Variants in BLK observed in about 807,000 individuals in gnomAD.
BLK encodes the protein tyrosine-protein kinase Blk.
A neutral mutation model predicts 61.8 loss-of-function variants in BLK; 64 were observed. That is an observed-to-expected ratio of 1.03 (90% CI 0.85 to 1.27). The LOEUF is 1.27. Among genes scored for constraint, BLK ranks in the 50% most tolerant of loss-of-function variants. BLK has a pLI of 0.00. For missense variants in BLK, 853 were observed against 660.5 expected (o/e 1.29, Z -3.19); for synonymous variants, 351 against 272.0 (o/e 1.29, Z -2.86).
chr8:11,496,432 G>A (rs559544782), intron 1 of BLK, among the ~76,000 whole-genome samples: 64 of 152,230 alleles, frequency 4.2e-4, no homozygotes, highest in South Asian at 6.2e-4. Flanking sequence ...TTGAAGAGAT[G>A]GGGTCTCGCT....
chr8:11,514,438 T>C (rs1799144196), intron 1 of BLK, among the ~76,000 whole-genome samples: 1 of 152,196 alleles, frequency 6.6e-6, no homozygotes, highest in African/African-American at 2.4e-5. Flanking sequence ...CCCCGAGGGA[T>C]CTGAGGCCCA....
At chr8:11,534,274 G>A (rs959058136) in intron 1 of BLK, among the ~76,000 whole-genome samples, 1 of 152,164 alleles carries the variant, frequency 6.6e-6, no homozygotes, top group Non-Finnish European at 1.5e-5. Flanking sequence ...TTGAAAAATA[G>A]GTTAAGGCCC....
chr8:11,523,474 A>G (rs1799533003), intron 1 of BLK, among the ~76,000 whole-genome samples: 1 of 152,114 alleles, frequency 6.6e-6, no homozygotes, highest in Non-Finnish European at 1.5e-5. Context: ...AATCACTTGA[A>G]CCCCGGAGAA....
chr8:11,522,147 T>A (rs1799476419), intron 1 of BLK, among the ~76,000 whole-genome samples: 1 of 152,170 alleles, frequency 6.6e-6, no homozygotes, highest in Admixed American at 6.5e-5. Context: ...TAGGTCCATT[T>A]CTAGGTAAAT....
At chr8:11,534,313 T>C (rs1800020783) in intron 1 of BLK, among the ~76,000 whole-genome samples, 1 of 152,232 alleles carries the variant, frequency 6.6e-6, no homozygotes, top group Non-Finnish European at 1.5e-5. Flanking sequence ...GACACAACTG[T>C]AGTTGGATTA....
At chr8:11,496,395 A>C (rs1322680645) in intron 1 of BLK, among the ~76,000 whole-genome samples, 1 of 152,030 alleles carries the variant, frequency 6.6e-6, no homozygotes, top group Non-Finnish European at 1.5e-5. Flanking sequence ...ACGCCACTGT[A>C]TCTGGCTAAT....
In BLK at chr8:11,557,892, CAG is replaced by C. The variant is rs1423211586; in HGVS notation, c.953-63_953-62del. On this transcript the variant is annotated intron_variant, in intron 9 of 12. Coordinates refer to ENST00000259089, the MANE Select transcript of BLK (RefSeq NM_001715.3). Reference sequence around the variant, plus strand: ...CGCGCCCATGGGGAGCCACTCACACCAGAGAGAGGCTGGCACCACCAGGGGCG... The same window carrying C: ...CGCGCCCATGGGGAGCCACTCACACCAGAGAGGCTGGCACCACCAGGGGCG... 1.1e-5 allele frequency: 16 copies of C among 1,429,562 alleles called. No individual in the cohort carries two copies. In the South Asian group the frequency reaches 1.2e-4, roughly 10 times the overall value. 88.6% of individuals were successfully genotyped at this position (1,429,562 alleles called of 1,614,324 possible).
At chr8:11,544,464 G>C (rs1034640965) in intron 2 of BLK, among the ~76,000 whole-genome samples, 2 of 152,082 alleles carry the variant, frequency 1.3e-5, no homozygotes, top group East Asian at 3.9e-4. Flanking sequence ...ATGAACCCAG[G>C]CATCTTACCT....
intron 1 of BLK, among the ~76,000 whole-genome samples, chr8:11,506,254 G>T (rs1798765829): frequency 6.6e-6 from 1 of 152,198 alleles, no homozygotes; most frequent in South Asian, 2.1e-4. Flanking sequence ...CCTATTTGCA[G>T]ACCTAGGGGA....
chr8:11,552,869 A>T (rs560629616), intron 6 of BLK: 3 of 152,566 alleles, frequency 2.0e-5, no homozygotes, highest in African/African-American at 7.2e-5. Flanking sequence ...GGACTGTTCA[A>T]CCATCATCAC....
chr8:11,550,667 C>T (rs1052543573), intron 6 of BLK, among the ~76,000 whole-genome samples: 1 of 152,222 alleles, frequency 6.6e-6, no homozygotes, highest in African/African-American at 2.4e-5. Context: ...CTGCAGGTAG[C>T]ATATGTTAGG....
At chr8:11,532,627 G>C (rs1036289986) in intron 1 of BLK, among the ~76,000 whole-genome samples, 9 of 151,548 alleles carry the variant, frequency 5.9e-5, no homozygotes, top group African/African-American at 1.7e-4. Context: ...TTATATATTT[G>C]AACCAGTTTA....
chr8:11,520,407 A>T (rs1426354610), intron 1 of BLK, among the ~76,000 whole-genome samples: 3 of 141,526 alleles, frequency 2.1e-5, no homozygotes, highest in African/African-American at 5.1e-5. Flanking sequence ...TGCCCAGAAG[A>T]TTGAGGCTGC....
Position 11,545,535 on chromosome 8 carries a change from C to T in BLK, c.124-517C>T, listed in dbSNP as rs151317873. Among the ~76,000 whole-genome samples the T allele has an allele frequency of 6.7e-3, 1,021 of 152,136 alleles. 7 individuals are homozygous for T. The highest frequency in any genetic ancestry group is 0.022 in the African/African-American group (920 of 41,498). ...CTGCACTCCAGCCTGGGCAACAGAG[C>T]GAGACTCCATCTCAAAAAAAAATTG... On this transcript the variant is annotated intron_variant, in intron 2 of 12. Transcript: ENST00000259089.
chr8:11,535,377 A>C lies in BLK; in HGVS notation c.-1-7847A>C, dbSNP rs1800093072. The stretch of plus-strand genomic sequence containing the variant: ...AAGGAAAGGAAGGGATATATTGCAC[A>C]AAGCATTAGCTGTGAATGACTGTAG... On this transcript the variant is annotated intron_variant, in intron 1 of 12. Coordinates refer to ENST00000259089, the MANE Select transcript of BLK (RefSeq NM_001715.3). 2.6e-5 allele frequency among the ~76,000 whole-genome samples: 4 copies of C among 152,368 alleles called. No homozygotes were observed. The South Asian group carries it at 8.3e-4, about 32-fold the overall frequency.
Position 11,555,322 on chromosome 8 carries a change from C to T in BLK, c.620-10C>T. ...TAACCCCCAGCCCTGTCTTTTCTTC[C>T]CTAATGCAGAGAAGGGGGATGGTCT... On this transcript the variant is annotated splice_polypyrimidine_tract_variant and intron_variant, in intron 7 of 12. Transcript: ENST00000259089. 1 of 1,614,032 alleles carries T rather than the reference C, an allele frequency of 6.2e-7. No homozygotes were observed. Among genetic ancestry groups the T allele is most frequent in the Non-Finnish European group, 8.5e-7 (1 of 1,180,040 alleles).
rs1429236707 is a variant in BLK at position 11,547,554 on chromosome 8, A to G, written c.176-478A>G. On this transcript the variant is annotated intron_variant, in intron 3 of 12. Coordinates refer to ENST00000259089, the MANE Select transcript of BLK (RefSeq NM_001715.3). ...AGTGTGGCTGGGGCTCTGGGCACAG[A>G]CAGTGGAGAGGCCAGGGCTCCAGCT... is the stretch of plus-strand genomic sequence containing the variant. 2.0e-5 allele frequency among the ~76,000 whole-genome samples: 3 copies of G among 152,168 alleles called. No homozygotes were observed. The East Asian group carries it at 5.8e-4, about 29-fold the overall frequency.
Position 11,514,663 on chromosome 8 carries a change from A to G in BLK, c.-2+20072A>G, listed in dbSNP as rs141499335. 2.5e-3 allele frequency among the ~76,000 whole-genome samples: 388 copies of G among 152,300 alleles called. 2 individuals carry two copies. Among genetic ancestry groups the G allele is most frequent in the Non-Finnish European group, 3.9e-3 (266 of 68,024 alleles). On this transcript the variant is annotated intron_variant, in intron 1 of 12. Transcript: ENST00000259089. ...ACTGCCCCCACCTCTGGGCTCGAGT[A>G]GCCCGTGAGCCTGCTTTCTGGACCC...
intron 1 of BLK, among the ~76,000 whole-genome samples, chr8:11,530,907 G>A (rs1260111530): frequency 5.3e-5 from 8 of 152,226 alleles, no homozygotes; most frequent in African/African-American, 1.9e-4. Context: ...CTGGGTCACA[G>A]GTTAAGAAGC....
Sources: allele counts gnomAD v4.1 joint callset (sites outside exome capture counted in the v4.1 genomes callset), GRCh38; gene constraint gnomAD v4.1.1; transcripts MANE v1.5; gene names NCBI Gene and HGNC (gene_info 2026-07-23, HGNC 2026-07-21).